Variants in DNAH8 observed in about 807,000 individuals in gnomAD.
The protein encoded by DNAH8 is dynein axonemal heavy chain 8.
DNAH8 carries 382 observed loss-of-function variants against 562.1 expected under a neutral mutation model. The ratio of observed to expected loss-of-function variants is 0.68; its 90% CI spans 0.63 to 0.74. DNAH8 has a LOEUF of 0.74. Ranked by LOEUF, DNAH8 falls within the 30% of genes least tolerant of loss-of-function variation. The pLI is 0.00. For synonymous variants in DNAH8, 1,881 were observed against 1,919.4 expected (o/e 0.98, Z 0.52); for missense variants, 5,203 against 5,620.4 (o/e 0.93, Z 2.37).
intron 61 of DNAH8, 119 bp from the exon 62 acceptor site, chr6:38,899,657 C>A: frequency 1.8e-6 from 2 of 1,084,920 alleles, no homozygotes; most frequent in Non-Finnish European, 2.7e-6. Flanking sequence ...AGACCATTAA[C>A]GAGGAAAAAG....
chr6:38,734,360 T>G lies in DNAH8; in HGVS notation c.611-114T>G, dbSNP rs372700903. On this transcript the variant is annotated intron_variant, in intron 4 of 92. Coordinates refer to ENST00000327475, the MANE Select transcript of DNAH8 (RefSeq NM_001206927.2). ...CAAAAAAATTATTCTATGACCGTAT[T>G]GAAAACTTCTTACAATAAAGTAAAA... is the stretch of plus-strand genomic sequence containing the variant. The G allele has an allele frequency of 4.9e-3, 5,745 of 1,181,806 alleles. 46 individuals are homozygous for G. Among genetic ancestry groups the G allele is most frequent in the South Asian group, 0.019 (1,151 of 61,750 alleles). 73.2% of individuals were successfully genotyped at this position (1,181,806 alleles called of 1,614,324 possible). A position where few individuals can be genotyped will look rare whatever the true frequency, so the allele number is the denominator to read the frequency against.
intron 82 of DNAH8, among the ~76,000 whole-genome samples, chr6:38,968,185 A>G (rs1055031213): frequency 1.3e-5 from 2 of 152,228 alleles, no homozygotes; most frequent in African/African-American, 4.8e-5. Flanking sequence ...CTAAAACCAT[A>G]ACATACTTAG....
intron 12 of DNAH8, among the ~76,000 whole-genome samples, chr6:38,772,493 A>G (rs906844534): frequency 6.6e-6 from 1 of 152,068 alleles, no homozygotes. Flanking sequence ...GCCCATTTGT[A>G]TATCTTCTTT....
At chr6:38,715,954 A>ATTTTTT (rs1410399802) in intron 1 of DNAH8, among the ~76,000 whole-genome samples, 5 of 37,526 alleles carry the variant, frequency 1.3e-4, no homozygotes, top group East Asian at 1.3e-3. Flanking sequence ...ATATATATAT[A>ATTTTTT]TATATATTTT....
chr6:38,767,576 T>A (rs1767142092), intron 11 of DNAH8, among the ~76,000 whole-genome samples: 1 of 152,258 alleles, frequency 6.6e-6, no homozygotes, highest in Admixed American at 6.5e-5. Flanking sequence ...TGTGTCTGGT[T>A]TATTTCACTT....
chr6:38,741,627 T>C, intron 7 of DNAH8, 84 bp from the exon 8 acceptor site: 2 of 1,176,436 alleles, frequency 1.7e-6, no homozygotes, highest in Non-Finnish European at 2.4e-6. Context: ...ATTTATACTT[T>C]CAGCTGCCTT....
At chr6:38,992,730 C>A (rs1363723011) in intron 88 of DNAH8, among the ~76,000 whole-genome samples, 1 of 152,120 alleles carries the variant, frequency 6.6e-6, no homozygotes, top group Non-Finnish European at 1.5e-5. Context: ...GTTTCACTCA[C>A]CAGCTCTCAA....
At chr6:38,875,877 G>T (rs756467460) in intron 53 of DNAH8, 49 bp downstream of exon 53, 7 of 1,201,562 alleles carry the variant, frequency 5.8e-6, no homozygotes, top group Non-Finnish European at 1.2e-6. Flanking sequence ...TTTCAAATGA[G>T]AAAATATAAG....
At chr6:38,825,566 G>A in intron 28 of DNAH8, among the ~76,000 whole-genome samples, 1 of 152,090 alleles carries the variant, frequency 6.6e-6, no homozygotes, top group East Asian at 1.9e-4. Flanking sequence ...CTGTGCATGA[G>A]TTTTTCTGCT....
At chr6:38,962,242 T>C (rs1022735013) in intron 82 of DNAH8, among the ~76,000 whole-genome samples, 1 of 152,024 alleles carries the variant, frequency 6.6e-6, no homozygotes, top group African/African-American at 2.4e-5. Flanking sequence ...TGAAGCCAAG[T>C]CTAATTGAAA....
chr6:38,975,906 A>G (rs1482215450), intron 85 of DNAH8, among the ~76,000 whole-genome samples: 3 of 152,208 alleles, frequency 2.0e-5, no homozygotes, highest in African/African-American at 7.2e-5. Flanking sequence ...GGTATTTGCC[A>G]TATGGTTAAT....
At chr6:38,796,837 C>T (rs1039140527) in intron 21 of DNAH8, among the ~76,000 whole-genome samples, 1 of 152,144 alleles carries the variant, frequency 6.6e-6, no homozygotes, top group South Asian at 2.1e-4. Flanking sequence ...GAATAAAGCC[C>T]TTTCCCTCCA....
At chr6:38,804,292 T>C (rs1377088533) in intron 22 of DNAH8, among the ~76,000 whole-genome samples, 2 of 152,240 alleles carry the variant, frequency 1.3e-5, no homozygotes, top group African/African-American at 4.8e-5. Flanking sequence ...GACTTTTAGC[T>C]TTGCTCAGAT....
intron 21 of DNAH8, among the ~76,000 whole-genome samples, chr6:38,799,261 G>C (rs1030255282): frequency 6.6e-6 from 1 of 151,878 alleles, no homozygotes; most frequent in African/African-American, 2.4e-5. Flanking sequence ...GGGTTCTATG[G>C]AGAAAGTTTC....
chr6:38,922,165 A>T (rs1392597276), intron 71 of DNAH8, among the ~76,000 whole-genome samples: 1 of 151,940 alleles, frequency 6.6e-6, no homozygotes, highest in African/African-American at 2.4e-5. Context: ...CAGAGACCTG[A>T]CAGGGGCAAT....
At chr6:39,028,892 C>A (rs1001132545) in intron 92 of DNAH8, among the ~76,000 whole-genome samples, 1 of 152,132 alleles carries the variant, frequency 6.6e-6, no homozygotes, top group Non-Finnish European at 1.5e-5. Flanking sequence ...AGTCCTCACA[C>A]GGTGAGCCCC....
intron 36 of DNAH8, among the ~76,000 whole-genome samples, chr6:38,847,388 T>C (rs1775383442): frequency 6.6e-6 from 1 of 151,892 alleles, no homozygotes; most frequent in Non-Finnish European, 1.5e-5. Context: ...GCCCATGCCA[T>C]GTTGGTTTAC....
chr6:38,755,164 C>CT (rs1009649088), intron 9 of DNAH8, among the ~76,000 whole-genome samples: 5 of 152,004 alleles, frequency 3.3e-5, no homozygotes, highest in African/African-American at 9.7e-5. Flanking sequence ...TCTTGGGTGT[C>CT]TTTTTTCTTT....
chr6:38,794,782 A>G (rs1042009114), intron 21 of DNAH8, among the ~76,000 whole-genome samples: 2 of 152,104 alleles, frequency 1.3e-5, no homozygotes, highest in Non-Finnish European at 2.9e-5. Flanking sequence ...CATAATACGG[A>G]TTTAGTACAG....
Sources: allele counts gnomAD v4.1 joint callset (sites outside exome capture counted in the v4.1 genomes callset), GRCh38; gene constraint gnomAD v4.1.1; transcripts MANE v1.5; gene names NCBI Gene and HGNC (gene_info 2026-07-23, HGNC 2026-07-21).